The following ATP8A2 variants were observed in gnomAD, a reference collection of about 807,000 sequenced individuals.
The protein encoded by ATP8A2 is phospholipid-transporting ATPase IB.
A neutral mutation model predicts 165.6 loss-of-function variants in ATP8A2; 100 were observed. That is an observed-to-expected ratio of 0.60 (90% CI 0.51 to 0.71). The LOEUF is 0.71. ATP8A2 is among the 30% of genes least tolerant of loss of function. The pLI, the probability that ATP8A2 is intolerant of heterozygous loss-of-function variation, is 0.00. For missense variants in ATP8A2, 1,227 were observed against 1,479.5 expected, an observed-to-expected ratio of 0.83 and a Z score of 2.80; for synonymous variants, 543 against 548.8, an observed-to-expected ratio of 0.99 and a Z score of 0.15.
intron 24 of ATP8A2, among the ~76,000 whole-genome samples, chr13:25,644,283 G>A (rs1287185023): frequency 6.6e-6 from 1 of 152,044 alleles, no homozygotes; most frequent in African/African-American, 2.4e-5. Flanking sequence ...AGACATGTTG[G>A]ATTTTTGTCA....
chr13:25,438,480 A>G (rs1392062918), intron 1 of ATP8A2, among the ~76,000 whole-genome samples: 1 of 152,058 alleles, frequency 6.6e-6, no homozygotes, highest in Non-Finnish European at 1.5e-5. Flanking sequence ...TCTCTACAAA[A>G]AAATACAAAA....
intron 27 of ATP8A2, among the ~76,000 whole-genome samples, chr13:25,792,444 CA>C (rs2045203448): frequency 6.6e-6 from 1 of 152,168 alleles, no homozygotes; most frequent in Non-Finnish European, 1.5e-5. Flanking sequence ...CTGTGCTCTT[CA>C]AGGCCTAGGT....
intron 24 of ATP8A2, among the ~76,000 whole-genome samples, chr13:25,669,708 C>T (rs2042225923): frequency 6.6e-6 from 1 of 152,172 alleles, no homozygotes; most frequent in African/African-American, 2.4e-5. Flanking sequence ...CTAGAAACTT[C>T]CTTCTTAGCC....
chr13:25,447,690 G>C (rs1012821906), intron 1 of ATP8A2, among the ~76,000 whole-genome samples: 7 of 152,214 alleles, frequency 4.6e-5, no homozygotes, highest in Admixed American at 2.6e-4. Context: ...TCAGTGGAGG[G>C]TCAGGGTGAC....
At chr13:25,512,820 G>A (rs2037293789) in intron 2 of ATP8A2, among the ~76,000 whole-genome samples, 1 of 142,140 alleles carries the variant, frequency 7.0e-6, no homozygotes, top group African/African-American at 2.6e-5. Flanking sequence ...GGGGCGGCTG[G>A]CCGGGCAGAG....
At chr13:25,378,281 C>T (rs557460865) in intron 1 of ATP8A2, among the ~76,000 whole-genome samples, 2 of 152,152 alleles carry the variant, frequency 1.3e-5, no homozygotes, top group East Asian at 3.9e-4. Flanking sequence ...CCCTGTAAAG[C>T]TTATCATATA....
intron 35 of ATP8A2, among the ~76,000 whole-genome samples, chr13:25,971,904 A>G (rs1955923406): frequency 6.6e-6 from 1 of 152,084 alleles, no homozygotes; most frequent in Non-Finnish European, 1.5e-5. Flanking sequence ...TGTGCCAGCC[A>G]AGCCAGGGCA....
At chr13:25,813,426 T>C (rs1258884006) in intron 27 of ATP8A2, among the ~76,000 whole-genome samples, 1 of 145,534 alleles carries the variant, frequency 6.9e-6, no homozygotes, top group Non-Finnish European at 1.5e-5. Context: ...TGATATATGA[T>C]GGTATGATAT....
intron 24 of ATP8A2, chr13:25,649,126 T>G (rs1040721784): frequency 1.6e-5 from 7 of 447,202 alleles, no homozygotes; most frequent in Admixed American, 7.7e-5. Context: ...GATAACAACC[T>G]TTTCCAGCTT....
At chr13:25,485,877 A>C (rs1195725680) in intron 2 of ATP8A2, among the ~76,000 whole-genome samples, 1 of 152,168 alleles carries the variant, frequency 6.6e-6, no homozygotes, top group African/African-American at 2.4e-5. Flanking sequence ...TGGGTGTTCT[A>C]TCACATTGTT....
chr13:25,853,396 A>AATATATATATATATATAT (rs1555278503), intron 30 of ATP8A2, among the ~76,000 whole-genome samples: 4 of 107,866 alleles, frequency 3.7e-5, no homozygotes, highest in African/African-American at 1.0e-4. Context: ...ATCTAAAAAA[A>AATATATATATATATATAT]ATATATATAT....
chr13:25,713,767 A>G (rs2043200157), intron 25 of ATP8A2, among the ~76,000 whole-genome samples: 2 of 152,128 alleles, frequency 1.3e-5, no homozygotes, highest in African/African-American at 2.4e-5. Context: ...CTGACAAACA[A>G]CGTGCCATGT....
At chr13:25,565,979 A>G (rs374650277) in intron 16 of ATP8A2, among the ~76,000 whole-genome samples, 2 of 152,290 alleles carry the variant, frequency 1.3e-5, no homozygotes, top group East Asian at 3.9e-4. Context: ...AAATTTCTAG[A>G]TTTAAAATTA....
intron 9 of ATP8A2, 91 bp from the exon 10 acceptor site, chr13:25,543,200 A>G: frequency 2.7e-6 from 2 of 750,236 alleles, no homozygotes; most frequent in Non-Finnish European, 4.5e-6. Context: ...GAAAGGGAAC[A>G]TTTGATTTAT....
chr13:25,712,977 C>T (rs2043184971), intron 25 of ATP8A2, among the ~76,000 whole-genome samples: 1 of 152,142 alleles, frequency 6.6e-6, no homozygotes, highest in South Asian at 2.1e-4. Context: ...GGAACTAAAA[C>T]CCTGTTATAT....
intron 33 of ATP8A2, among the ~76,000 whole-genome samples, chr13:25,894,208 G>C (rs1416606124): frequency 6.6e-6 from 1 of 152,042 alleles, no homozygotes; most frequent in African/African-American, 2.4e-5. Flanking sequence ...ATTAATTTTT[G>C]TATAAGGTGT....
chr13:25,588,267 A>AT (rs951114735), intron 23 of ATP8A2, among the ~76,000 whole-genome samples: 6 of 152,066 alleles, frequency 3.9e-5, no homozygotes, highest in African/African-American at 1.4e-4. Context: ...CACAAACGAA[A>AT]TTTTTTTACT....
intron 28 of ATP8A2, among the ~76,000 whole-genome samples, chr13:25,835,335 T>A (rs1951578076): frequency 6.6e-6 from 1 of 152,110 alleles, no homozygotes; most frequent in Non-Finnish European, 1.5e-5. Flanking sequence ...TTGTAGCACA[T>A]TGAAATCCCA....
intron 27 of ATP8A2, among the ~76,000 whole-genome samples, chr13:25,817,017 A>G (rs1326908742): frequency 6.6e-6 from 1 of 152,144 alleles, no homozygotes; most frequent in Admixed American, 6.5e-5. Context: ...GATCTTATAC[A>G]TATTTCTGCT....
Sources: gnomAD v4.1 joint callset for allele counts (sites outside exome capture counted in the v4.1 genomes callset) on GRCh38, gnomAD v4.1.1 for gene constraint, MANE v1.5 for transcripts, NCBI Gene and HGNC (gene_info 2026-07-23, HGNC 2026-07-21) for gene names.